Variants in UHRF2 observed in about 807,000 individuals in gnomAD.
UHRF2 encodes the protein E3 ubiquitin-protein ligase UHRF2.
UHRF2 carries 23 observed loss-of-function variants against 96.8 expected under a neutral mutation model. The observed-to-expected ratio is 0.24, with a 90% CI of 0.17 to 0.34. UHRF2 has a LOEUF of 0.34. Among genes scored for constraint, UHRF2 ranks in the 10% least tolerant of loss-of-function variants. The pLI is 1.00. For synonymous variants in UHRF2, 385 were observed against 332.6 expected, an observed-to-expected ratio of 1.16 and a Z score of -1.72; for missense variants, 685 against 981.5, an observed-to-expected ratio of 0.70 and a Z score of 4.04.
intron 5 of UHRF2, among the ~76,000 whole-genome samples, chr9:6,477,311 G>A (rs925463004): frequency 3.3e-5 from 5 of 151,834 alleles, no homozygotes; most frequent in African/African-American, 1.2e-4. Flanking sequence ...GATCACCTGA[G>A]GTTGGAAGTT....
At chr9:6,499,273 C>A (rs1825138294) in intron 12 of UHRF2, 1 of 112,294 alleles carries the variant, frequency 8.9e-6, no homozygotes, top group African/African-American at 3.5e-5. Context: ...AAGAAGGTAG[C>A]CATTGAAACA....
At chr9:6,464,223 C>G (rs975164890) in intron 4 of UHRF2, among the ~76,000 whole-genome samples, 2 of 152,272 alleles carry the variant, frequency 1.3e-5, no homozygotes, top group Non-Finnish European at 2.9e-5. Context: ...TTTTTATTGA[C>G]AAGTTGGATA....
At chr9:6,445,667 C>T (rs147354178) in intron 3 of UHRF2, among the ~76,000 whole-genome samples, 5,351 of 152,264 alleles carry the variant, frequency 0.035, 131 homozygotes, top group South Asian at 0.064. Flanking sequence ...AAGTGATCCT[C>T]CTACCTCAGC....
intron 4 of UHRF2, among the ~76,000 whole-genome samples, chr9:6,465,285 T>A (rs1260023174): frequency 6.6e-6 from 1 of 152,206 alleles, no homozygotes; most frequent in Non-Finnish European, 1.5e-5. Flanking sequence ...GAAATTTACA[T>A]GTTAATTTTC....
chr9:6,483,777 C>T (rs986306849), intron 8 of UHRF2, among the ~76,000 whole-genome samples: 3 of 152,002 alleles, frequency 2.0e-5, no homozygotes, highest in Non-Finnish European at 4.4e-5. Context: ...ACAACCTCTA[C>T]CTCCCGGGTT....
chr9:6,475,653 G>A (rs1383757872), intron 5 of UHRF2, among the ~76,000 whole-genome samples, 153 bp downstream of exon 5: 1 of 151,966 alleles, frequency 6.6e-6, no homozygotes, highest in Non-Finnish European at 1.5e-5. Context: ...GATTCATTTT[G>A]TTTTAATGAA....
At chr9:6,439,830 C>T (rs1010599252) in intron 3 of UHRF2, among the ~76,000 whole-genome samples, 3 of 152,062 alleles carry the variant, frequency 2.0e-5, no homozygotes, top group Non-Finnish European at 2.9e-5. Context: ...TGGAGAGAGA[C>T]TATACTTGAA....
intron 9 of UHRF2, 56 bp from the exon 10 acceptor site, chr9:6,493,770 T>C: frequency 7.0e-7 from 1 of 1,428,678 alleles, no homozygotes; most frequent in Non-Finnish European, 9.7e-7. Context: ...GAAATAAGAA[T>C]TGATGAAATT....
intron 2 of UHRF2, chr9:6,422,645 T>C (rs1310110588): frequency 3.1e-6 from 2 of 651,108 alleles, no homozygotes; most frequent in African/African-American, 1.8e-5. Flanking sequence ...GGTCTGGCTC[T>C]GTCACCCAGG....
At position 6,421,069 on chromosome 9, in the gene UHRF2, G is replaced by A. The variant is rs180950847; in HGVS notation, c.311G>A (p.Arg104Lys). ...CCACCTAAAGTAAAGAAAGCTCCGA[G>A]GGTAGGACCTTCCAATCAGCCATCT... is the stretch of plus-strand genomic sequence containing the variant. ...NSPPKVKKAP[R>K]VGPSNQPSTS... Residue 104 changes from arginine to lysine, a missense_variant, in exon 2 of 16, where the codon AGG becomes AAG. Physicochemically the swap from Arg to Lys is conservative, Grantham distance 26. Around this residue, in one of 6 missense-constraint regions of UHRF2, gnomAD observed 391 missense variants for 437.0 expected, o/e 0.89. Coordinates refer to ENST00000276893, the MANE Select transcript of UHRF2 (RefSeq NM_152896.3). 44 of 1,614,146 alleles carry A rather than the reference G, an allele frequency of 2.7e-5. No homozygotes were observed. In the East Asian group the frequency reaches 9.4e-4, roughly 34 times the overall value.
At chr9:6,447,060 T>G (rs922952555) in intron 3 of UHRF2, among the ~76,000 whole-genome samples, 1 of 151,912 alleles carries the variant, frequency 6.6e-6, no homozygotes, top group Non-Finnish European at 1.5e-5. Flanking sequence ...GGCTAATTTT[T>G]TTGTATTTTT....
intron 3 of UHRF2, among the ~76,000 whole-genome samples, chr9:6,444,993 T>A (rs528382417): frequency 6.6e-6 from 1 of 152,078 alleles, no homozygotes; most frequent in African/African-American, 2.4e-5. Flanking sequence ...GGCACTAGAT[T>A]TAGAATTTGG....
chr9:6,445,519 C>A (rs556332001), intron 3 of UHRF2, among the ~76,000 whole-genome samples: 9 of 152,264 alleles, frequency 5.9e-5, no homozygotes, highest in African/African-American at 2.2e-4. Flanking sequence ...CCTCGGCCTC[C>A]CAAAGTTCTG....
rs564764060 is a variant in UHRF2, at chr9:6,450,201, T to C, written c.645-10372T>C. 2.6e-5 allele frequency among the ~76,000 whole-genome samples: 4 copies of C among 152,202 alleles called. No individual in the cohort carries two copies. In the East Asian group the frequency reaches 7.7e-4, roughly 29 times the overall value. ...CCAATCAATGTTCATAGTTCCTTAATTATCTATTTAAAAATGTACTTAGGT... is the reference window on the plus strand; with the variant it reads ...CCAATCAATGTTCATAGTTCCTTAACTATCTATTTAAAAATGTACTTAGGT... On this transcript the variant is annotated intron_variant, in intron 3 of 15. Transcript: ENST00000276893.
At chr9:6,446,691 G>A (rs57198563) in intron 3 of UHRF2, among the ~76,000 whole-genome samples, 2 of 151,552 alleles carry the variant, frequency 1.3e-5, no homozygotes, top group Non-Finnish European at 2.9e-5. Flanking sequence ...GTCTCTATAG[G>A]AAAATTTGCT....
At position 6,483,966 on chromosome 9, in the gene UHRF2, G is replaced by T. The variant is rs533219339; in HGVS notation, c.1392+1867G>T. Among the ~76,000 whole-genome samples, 6 of 152,294 alleles carry T rather than the reference G, an allele frequency of 3.9e-5. No homozygotes were observed. In the South Asian group the frequency reaches 1.2e-3, roughly 32 times the overall value. On this transcript the variant is annotated intron_variant, in intron 8 of 15. Coordinates refer to ENST00000276893, the MANE Select transcript of UHRF2 (RefSeq NM_152896.3). The stretch of plus-strand genomic sequence containing the variant: ...AGCCTCCCAAAGTGCTGGGATTACA[G>T]GCGTGAGCCACTGCACCCGGCTTCA...
At chr9:6,431,972 A>C (rs1194079697) in intron 2 of UHRF2, among the ~76,000 whole-genome samples, 1 of 152,204 alleles carries the variant, frequency 6.6e-6, no homozygotes, top group Non-Finnish European at 1.5e-5. Flanking sequence ...TAGTAACCTC[A>C]GTTTATTCTC....
At position 6,487,182 on chromosome 9, in the gene UHRF2, C is replaced by CTTTTTTTT. The variant is rs1171978950; in HGVS notation, c.1497+275_1497+282dup. Among the ~76,000 whole-genome samples the CTTTTTTTT allele has an allele frequency of 3.4e-3, 234 of 69,590 alleles. 1 individual carries two copies. Among genetic ancestry groups the CTTTTTTTT allele is most frequent in the East Asian group, 6.8e-3 (14 of 2,052 alleles). The allele number at this position is 69,590 out of a possible 152,430, so 45.7% of individuals were successfully genotyped here. A position where few individuals can be genotyped will look rare whatever the true frequency, so the allele number is the denominator to read the frequency against. On this transcript the variant is annotated intron_variant, in intron 9 of 15. Transcript: ENST00000276893. ...TCTATAGAGCTTTTATTTTTTTTTCCTTTTTTTTTTTTTTTTTTTTTTTTT... is the reference window on the plus strand; with the variant it reads ...TCTATAGAGCTTTTATTTTTTTTTCCTTTTTTTTTTTTTTTTTTTTTTTTTTTTTTTTT...
Position 6,486,932 on chromosome 9 carries a change from C to T in UHRF2, c.1497+7C>T. ...TGGATTTGCGGATGAAGTCGTAAGT[C>T]ATTATACAACCTTACTCATTAGTAC... On this transcript the variant is annotated splice_region_variant and intron_variant, in intron 9 of 15. Transcript: ENST00000276893. The T allele has an allele frequency of 1.2e-6, 2 of 1,613,250 alleles. No individual in the cohort carries two copies. The highest frequency in any genetic ancestry group is 1.7e-6 in the Non-Finnish European group (2 of 1,179,436).
Sources: gnomAD v4.1 joint callset for allele counts (sites outside exome capture counted in the v4.1 genomes callset) on GRCh38, gnomAD v4.1.1 for gene constraint, gnomAD v4.1.1 regional missense constraint, MANE v1.5 for transcripts, NCBI Gene and HGNC (gene_info 2026-07-23, HGNC 2026-07-21) for gene names.